OLFML2A: variants seen among roughly 807,000 people sequenced by gnomAD.
OLFML2A encodes the protein olfactomedin-like protein 2A.
In OLFML2A, 47 loss-of-function variants were observed where a neutral mutation model predicts 60.9. The observed-to-expected ratio is 0.77, with a 90% CI of 0.61 to 0.98. OLFML2A has a LOEUF of 0.98. Ranked by LOEUF, OLFML2A falls within the 50% of genes least tolerant of loss-of-function variation. The pLI is 0.00. For synonymous variants in OLFML2A, 372 were observed against 375.0 expected (o/e 0.99, Z 0.09); for missense variants, 922 against 879.8 (o/e 1.05, Z -0.61).
At chr9:124,801,136 G>A in intron 4 of OLFML2A, 2 of 1,347,946 alleles carry the variant, frequency 1.5e-6, no homozygotes, top group Non-Finnish European at 2.1e-6. Flanking sequence ...CCCCCAGGGG[G>A]ATTGGACAGG....
intron 3 of OLFML2A, among the ~76,000 whole-genome samples, chr9:124,798,738 A>AG (rs1841713720): frequency 6.6e-6 from 1 of 151,690 alleles, no homozygotes; most frequent in Non-Finnish European, 1.5e-5. Flanking sequence ...AAAAAAAAAA[A>AG]AAGAAAGAAA....
In OLFML2A at chr9:124,782,066, C is replaced by T. The variant is rs573913778; in HGVS notation, c.90+4706C>T. ...AAGGCAGGGACTTTCCTGCTTGGCA[C>T]AACTCCAGACTTCATGCCAAGGGCA... On this transcript the variant is annotated intron_variant, in intron 1 of 7. Transcript: ENST00000373580. Among the ~76,000 whole-genome samples, 67 of 152,324 alleles carry T rather than the reference C, an allele frequency of 4.4e-4. 1 individual carries two copies. Among genetic ancestry groups the T allele is most frequent in the Admixed American group, 8.5e-4 (13 of 15,310 alleles).
chr9:124,807,728 G>C, intron 6 of OLFML2A, 53 bp from the exon 7 acceptor site: 1 of 1,455,870 alleles, frequency 6.9e-7, no homozygotes, highest in Non-Finnish European at 9.3e-7. Flanking sequence ...CGTTGCTCTG[G>C]CTGGGGGGCT....
At chr9:124,784,512 T>C (rs565865771) in intron 1 of OLFML2A, among the ~76,000 whole-genome samples, 1 of 152,294 alleles carries the variant, frequency 6.6e-6, no homozygotes, top group South Asian at 2.1e-4. Flanking sequence ...AGAGATATTA[T>C]TTAAAAGTGT....
rs771309165 is a variant in OLFML2A at position 124,801,473 on chromosome 9, T to A, written c.729T>A (p.Phe243Leu). The A allele has an allele frequency of 6.2e-6, 10 of 1,613,970 alleles. No homozygotes were observed. Among genetic ancestry groups the A allele is most frequent in the African/African-American group, 2.7e-5 (2 of 74,874 alleles). ...ISKYGSVQKS[F>L]ADRGLPKPPK... ...AGTATGGCAGTGTGCAGAAAAGCTTTGCAGACAGAGGCCTCCCAAAACCTC... is the reference window on the plus strand; with the variant it reads ...AGTATGGCAGTGTGCAGAAAAGCTTAGCAGACAGAGGCCTCCCAAAACCTC... The change falls in exon 5 of 8, where the codon TTT (phenylalanine) becomes TTA (leucine). Residue 243 changes from phenylalanine (F) to leucine (L), a missense_variant. Phe to Leu is a conservative substitution (Grantham distance 22). Coordinates refer to ENST00000373580, the MANE Select transcript of OLFML2A (RefSeq NM_182487.4).
intron 7 of OLFML2A, among the ~76,000 whole-genome samples, chr9:124,808,369 G>T (rs1011222876): frequency 6.6e-6 from 1 of 152,206 alleles, no homozygotes; most frequent in Non-Finnish European, 1.5e-5. Context: ...TGTTTTATAG[G>T]TGCGCAGTGT....
At chr9:124,794,976 C>T (rs1239893843) in intron 2 of OLFML2A, 48 bp from the exon 3 acceptor site, 7 of 1,149,520 alleles carry the variant, frequency 6.1e-6, no homozygotes, top group African/African-American at 3.0e-5. Context: ...TGTGTCTGGC[C>T]GGCCATGTGC....
chr9:124,790,230 C>T (rs934172442), intron 2 of OLFML2A, among the ~76,000 whole-genome samples: 1 of 151,900 alleles, frequency 6.6e-6, no homozygotes, highest in Non-Finnish European at 1.5e-5. Flanking sequence ...TGCAATGGCG[C>T]GATCTCAGCT....
chr9:124,804,353 C>T lies in OLFML2A; in HGVS notation c.1168+11C>T, dbSNP rs1263530219. 6.5e-7 allele frequency: 1 copy of T among 1,537,236 alleles called. No individual in the cohort carries two copies. Among genetic ancestry groups the T allele is most frequent in the South Asian group, 1.2e-5 (1 of 81,644 alleles). On this transcript the variant is annotated intron_variant, in intron 6 of 7. Coordinates refer to ENST00000373580, the MANE Select transcript of OLFML2A (RefSeq NM_182487.4). ...AAGTCTCCAGCCAAGGTGAGTGAGC[C>T]TCACAGGAGTCAGCACACTGTAGCC...
At chr9:124,778,838 T>G (rs568934944) in intron 1 of OLFML2A, 78 of 272,786 alleles carry the variant, frequency 2.9e-4, no homozygotes, top group Non-Finnish European at 4.1e-4. Flanking sequence ...GGACAGACCT[T>G]GGGGAGAGTG....
intron 2 of OLFML2A, among the ~76,000 whole-genome samples, chr9:124,792,249 C>A (rs1433468910): frequency 6.6e-6 from 1 of 152,146 alleles, no homozygotes; most frequent in African/African-American, 2.4e-5. Flanking sequence ...TGTGTTACTA[C>A]CCGTGTCCCT....
rs182901947 is a variant in OLFML2A, at chr9:124,794,512, C to G, written c.355-512C>G. Among the ~76,000 whole-genome samples, 34 of 151,812 alleles carry G rather than the reference C, an allele frequency of 2.2e-4. No individual in the cohort carries two copies. In the East Asian group the frequency reaches 6.7e-3, roughly 30 times the overall value. On this transcript the variant is annotated intron_variant, in intron 2 of 7. Coordinates refer to ENST00000373580, the MANE Select transcript of OLFML2A (RefSeq NM_182487.4). Reference sequence around the variant, plus strand: ...GTGGTAAGGGCTCAGAAGATGGAACCTGTGGTTTTTCTTGTGATTATTAGC... The same window carrying G: ...GTGGTAAGGGCTCAGAAGATGGAACGTGTGGTTTTTCTTGTGATTATTAGC...
chr9:124,779,553 G>T lies in OLFML2A; in HGVS notation c.90+2193G>T, dbSNP rs200231529. 0.024 allele frequency among the ~76,000 whole-genome samples: 3,599 copies of T among 152,046 alleles called. 121 individuals are homozygous for T. The highest frequency in any genetic ancestry group is 0.096 in the East Asian group (495 of 5,148). ...AGGTTGTGTGTGTGTGTGGTGGGGG[G>T]GGGGTGTTTAGCTGTCCCAGGACAA... On this transcript the variant is annotated intron_variant, in intron 1 of 7. Transcript: ENST00000373580. This position sits in a 1 kb window ranked among gnomAD's most constrained non-coding sequence, Gnocchi z 4.1.
At chr9:124,809,253 G>C (rs556289648) in intron 7 of OLFML2A, among the ~76,000 whole-genome samples, 2 of 152,158 alleles carry the variant, frequency 1.3e-5, no homozygotes, top group African/African-American at 2.4e-5. Flanking sequence ...CTCAAGCAGC[G>C]CACAGGGTGG....
At chr9:124,796,834 G>A (rs1468523164) in intron 3 of OLFML2A, among the ~76,000 whole-genome samples, 1 of 152,186 alleles carries the variant, frequency 6.6e-6, no homozygotes, top group Non-Finnish European at 1.5e-5. Flanking sequence ...GACAGGATGG[G>A]TGCTACTGGG....
intron 1 of OLFML2A, among the ~76,000 whole-genome samples, chr9:124,778,742 A>T (rs554575915): frequency 6.6e-6 from 1 of 152,004 alleles, no homozygotes; most frequent in South Asian, 2.1e-4. Flanking sequence ...GGTTGCAGTC[A>T]GTGGAGATTG....
At chr9:124,804,692 C>A (rs1432714508) in intron 6 of OLFML2A, among the ~76,000 whole-genome samples, 1 of 151,786 alleles carries the variant, frequency 6.6e-6, no homozygotes, top group Non-Finnish European at 1.5e-5. Flanking sequence ...CCACTGCACT[C>A]CAGCCTGGGC....
At chr9:124,805,781 A>ATTG (rs974310542) in intron 6 of OLFML2A, among the ~76,000 whole-genome samples, 1 of 87,932 alleles carries the variant, frequency 1.1e-5, no homozygotes, top group Non-Finnish European at 2.6e-5. Context: ...TTTTATTATT[A>ATTG]TTGTTGTTGT....
Position 124,799,284 on chromosome 9 carries a change from G to A in OLFML2A, c.463-1G>A, listed in dbSNP as rs1466132407. The A allele has an allele frequency of 1.9e-6, 3 of 1,606,162 alleles. No individual in the cohort carries two copies. The African/African-American group carries it at 4.0e-5, about 21-fold the overall frequency. On this transcript the variant is annotated splice_acceptor_variant, in intron 3 of 7. Coordinates refer to ENST00000373580, the MANE Select transcript of OLFML2A (RefSeq NM_182487.4). LOFTEE classifies it high-confidence loss of function. ...GACCTCCAATCCTGCCCCCTCCGCA[G>A]AGCATCAAGGCCAACCTGAGCCGGG...
Sources: gnomAD v4.1 joint callset for allele counts (sites outside exome capture counted in the v4.1 genomes callset) on GRCh38, gnomAD v4.1.1 for gene constraint, Gnocchi (gnomAD v3.1) non-coding constraint, MANE v1.5 for transcripts, NCBI Gene and HGNC (gene_info 2026-07-23, HGNC 2026-07-21) for gene names.